The following HECTD4 variants were observed in gnomAD, a reference collection of about 807,000 sequenced individuals.
The protein encoded by HECTD4 is HECT domain E3 ubiquitin protein ligase 4, also known as probable E3 ubiquitin-protein ligase HECTD4.
Under a neutral mutation model 471.5 loss-of-function variants are expected in HECTD4, and 114 were observed. That is an observed-to-expected ratio of 0.24 (90% CI 0.21 to 0.28). The LOEUF (loss-of-function observed/expected upper bound fraction) is 0.28. Among genes scored for constraint, HECTD4 ranks in the 10% least tolerant of loss-of-function variants. The pLI is 1.00. For synonymous variants in HECTD4, 2,012 were observed against 2,256.0 expected (o/e 0.89, Z 3.07); for missense variants, 3,866 against 5,651.5 (o/e 0.68, Z 10.13).
intron 27 of HECTD4, 59 bp from the exon 28 acceptor site, chr12:112,247,609 A>G: frequency 1.4e-6 from 1 of 726,578 alleles, no homozygotes; most frequent in Non-Finnish European, 2.1e-6. Context: ...CTATACATAT[A>G]TTAAAATGAA....
At chr12:112,269,625 C>G (rs2034372086) in intron 13 of HECTD4, 79 bp downstream of exon 13, 1 of 1,479,396 alleles carries the variant, frequency 6.8e-7, no homozygotes, top group Non-Finnish European at 9.3e-7. Flanking sequence ...ATTTATACTA[C>G]CAGCTTTCAG....
intron 1 of HECTD4, among the ~76,000 whole-genome samples, chr12:112,337,547 G>A (rs1261197765): frequency 3.9e-5 from 6 of 152,126 alleles, no homozygotes; most frequent in Non-Finnish European, 5.9e-5. Flanking sequence ...GACAATTCAC[G>A]TAATGAGTAC....
intron 60 of HECTD4, among the ~76,000 whole-genome samples, chr12:112,189,550 CAAAAA>C (rs57209316): frequency 6.6e-5 from 2 of 30,466 alleles, no homozygotes; most frequent in South Asian, 1.5e-3. Flanking sequence ...GACTCCGTCT[CAAAAA>C]AAAAAAAAAA....
At chr12:112,242,052 T>C (rs745688488) in intron 32 of HECTD4, among the ~76,000 whole-genome samples, 7 of 152,162 alleles carry the variant, frequency 4.6e-5, no homozygotes, top group East Asian at 3.9e-4. Flanking sequence ...TGAAGCCCAA[T>C]AGGAAACTCA....
rs1034979282 is a variant in HECTD4 at position 112,160,417 on chromosome 12, G to A, written c.*1970C>T. 6.6e-6 allele frequency: 1 copy of A among 152,176 alleles called. No homozygotes were observed. Among genetic ancestry groups the A allele is most frequent in the African/African-American group, 2.4e-5 (1 of 41,442 alleles). The allele number at this position is 152,176 out of a possible 1,614,324, so 9.4% of individuals were successfully genotyped here. On this transcript the variant is annotated 3_prime_UTR_variant, in exon 76 of 76. Transcript: ENST00000682272. ...TAGCATCAGATTGAATGAAAAGTTT[G>A]TTAAATGCAACCATAAATAATTATA...
At chr12:112,352,440 A>G (rs2036263068) in intron 1 of HECTD4, among the ~76,000 whole-genome samples, 1 of 150,746 alleles carries the variant, frequency 6.6e-6, no homozygotes, top group Non-Finnish European at 1.5e-5. Flanking sequence ...GGCTCAAGCG[A>G]TTCTCCTGCC....
At chr12:112,297,692 T>C (rs2035071829) in intron 7 of HECTD4, among the ~76,000 whole-genome samples, 1 of 152,038 alleles carries the variant, frequency 6.6e-6, no homozygotes, top group Non-Finnish European at 1.5e-5. Context: ...GGGGGCATAT[T>C]TAGCTTGAGG....
At chr12:112,354,632 G>A (rs2036300232) in intron 1 of HECTD4, among the ~76,000 whole-genome samples, 1 of 152,062 alleles carries the variant, frequency 6.6e-6, no homozygotes, top group African/African-American at 2.4e-5. Context: ...ATTGCAGTGG[G>A]CCAAGATTGC....
chr12:112,237,089 G>A lies in HECTD4; in HGVS notation c.5300C>T (p.Thr1767Ile), dbSNP rs1206474818. ...VEWEKEEGGS[T>I]EAVHSGLARQ... is the part of the protein sequence containing the mutation. ...GGCCAGACCTGAGTGCACAGCCTCT[G>A]TGGAGCCACCTTCACAGTTAAAGAA... Residue 1767 changes from threonine to isoleucine, a missense_variant, in exon 35 of 76, where the codon ACA (threonine) becomes ATA (isoleucine). Coordinates refer to ENST00000682272, the MANE Select transcript of HECTD4 (RefSeq NM_001388303.1). 13 of 1,579,362 alleles carry A rather than the reference G, an allele frequency of 8.2e-6. No homozygotes were observed. The highest frequency in any genetic ancestry group is 1.1e-5 in the Non-Finnish European group (13 of 1,162,844).
intron 18 of HECTD4, among the ~76,000 whole-genome samples, chr12:112,261,002 T>G (rs146544774): frequency 6.6e-6 from 1 of 152,258 alleles, no homozygotes; most frequent in Non-Finnish European, 1.5e-5. Flanking sequence ...GGTGCTGACC[T>G]TGATAATTAA....
intron 62 of HECTD4, among the ~76,000 whole-genome samples, chr12:112,181,735 C>T (rs1180084220): frequency 6.6e-6 from 1 of 152,242 alleles, no homozygotes; most frequent in Non-Finnish European, 1.5e-5. Flanking sequence ...GCTGGGATTA[C>T]AGGCATGAGC....
Position 112,210,058 on chromosome 12 carries a change from A to G in HECTD4, c.7824T>C (p.His2608=). Residue 2608 remains histidine, a synonymous_variant, in exon 50 of 76, where the codon CAT becomes CAC. Transcript: ENST00000682272. ...CGGCAGCAATCCGGCATGGTGGCCC[A>G]TGAGTGCCTGGGTCTGATGCAATAC... The part of the protein sequence containing the change: ...GTSIASDPGT[H]GPPCRIAAVA... The G allele has an allele frequency of 6.2e-7, 1 of 1,614,018 alleles. No homozygotes were observed. The highest frequency in any genetic ancestry group is 8.5e-7 in the Non-Finnish European group (1 of 1,179,868).
chr12:112,330,036 G>A (rs1399610590), intron 1 of HECTD4, among the ~76,000 whole-genome samples: 1 of 152,022 alleles, frequency 6.6e-6, no homozygotes, highest in Non-Finnish European at 1.5e-5. Context: ...CAGCACTTTG[G>A]GAGGCCAAGG....
At chr12:112,268,601 C>T (rs767999510) in intron 13 of HECTD4, among the ~76,000 whole-genome samples, 1 of 151,656 alleles carries the variant, frequency 6.6e-6, no homozygotes, top group Non-Finnish European at 1.5e-5. Flanking sequence ...ACTAAAAATA[C>T]AAAAATTAGC....
intron 7 of HECTD4, among the ~76,000 whole-genome samples, chr12:112,290,319 C>CA (rs1469017560): frequency 4.7e-5 from 7 of 147,448 alleles, no homozygotes; most frequent in South Asian, 2.2e-4. Context: ...GAGCTAGTCT[C>CA]AAAAAAAATA....
chr12:112,313,473 C>A (rs1183402613), intron 3 of HECTD4, among the ~76,000 whole-genome samples: 1 of 143,392 alleles, frequency 7.0e-6, no homozygotes, highest in Non-Finnish European at 1.5e-5. Flanking sequence ...TGCCACAATG[C>A]CCGGCTAATT....
chr12:112,328,562 A>C (rs2035791310), intron 1 of HECTD4, among the ~76,000 whole-genome samples: 1 of 152,228 alleles, frequency 6.6e-6, no homozygotes, highest in Non-Finnish European at 1.5e-5. Context: ...AATCATAGCC[A>C]AATTGAATTG....
intron 52 of HECTD4, among the ~76,000 whole-genome samples, chr12:112,205,165 G>T (rs1377822132): frequency 2.0e-5 from 3 of 150,746 alleles, no homozygotes; most frequent in Non-Finnish European, 4.4e-5. Context: ...GCCAGGCGTA[G>T]TGGCTCACGC....
rs535856260 is a variant in HECTD4 at position 112,178,452 on chromosome 12, G to C, written c.11363+479C>G. Among the ~76,000 whole-genome samples, 3 of 152,238 alleles carry C rather than the reference G, an allele frequency of 2.0e-5. No individual in the cohort carries two copies. The East Asian group carries it at 5.8e-4, about 29-fold the overall frequency. ...GTCGGCTTTCCAGCCTTCATGGTCA[G>C]AATCTGACCACACTTGTGGATAAAA... On this transcript the variant is annotated intron_variant, in intron 64 of 75. Transcript: ENST00000682272.
Sources: gnomAD v4.1 joint callset for allele counts (sites outside exome capture counted in the v4.1 genomes callset) on GRCh38, gnomAD v4.1.1 for gene constraint, MANE v1.5 for transcripts, NCBI Gene and HGNC (gene_info 2026-07-23, HGNC 2026-07-21) for gene names.